Variants in TMTC2 observed in about 807,000 individuals in gnomAD.
TMTC2 encodes protein O-mannosyl-transferase TMTC2.
In TMTC2, 43 loss-of-function variants were observed where a neutral mutation model predicts 82.4. The observed-to-expected ratio is 0.52, with a 90% CI of 0.41 to 0.67. TMTC2 has a LOEUF of 0.67. Ranked by LOEUF, TMTC2 falls within the 30% of genes least tolerant of loss-of-function variation. TMTC2 has a pLI of 0.00. For synonymous variants in TMTC2, 408 were observed against 381.9 expected (o/e 1.07, Z -0.80); for missense variants, 919 against 1,012.4 (o/e 0.91, Z 1.25).
chr12:82,970,138 A>G (rs1047414242), intron 7 of TMTC2, among the ~76,000 whole-genome samples: 20 of 152,212 alleles, frequency 1.3e-4, no homozygotes, highest in Admixed American at 1.3e-4. Flanking sequence ...TATGGCTTTG[A>G]TACTTTCTCC....
intron 2 of TMTC2, among the ~76,000 whole-genome samples, chr12:82,882,491 A>G (rs1160858254): frequency 6.6e-6 from 1 of 152,120 alleles, no homozygotes; most frequent in East Asian, 1.9e-4. Context: ...AAAATTTATA[A>G]TGGCCTTTCG....
At chr12:83,092,826 G>A (rs1883887477) in intron 11 of TMTC2, among the ~76,000 whole-genome samples, 1 of 152,162 alleles carries the variant, frequency 6.6e-6, no homozygotes, top group African/African-American at 2.4e-5. Context: ...ATTATTGGGT[G>A]TCCTTTGTCT....
At chr12:83,101,423 T>C (rs1012503994) in intron 11 of TMTC2, among the ~76,000 whole-genome samples, 10 of 152,150 alleles carry the variant, frequency 6.6e-5, no homozygotes, top group African/African-American at 1.2e-4. Flanking sequence ...TTGGTGCAAA[T>C]AGGTTTTCAG....
At chr12:83,126,797 A>T (rs1885110216) in intron 11 of TMTC2, among the ~76,000 whole-genome samples, 1 of 152,012 alleles carries the variant, frequency 6.6e-6, no homozygotes, top group South Asian at 2.1e-4. Context: ...GGTATTTAAC[A>T]TTCTTTTTTT....
intron 1 of TMTC2, among the ~76,000 whole-genome samples, chr12:82,772,595 C>A (rs1240036300): frequency 6.6e-6 from 1 of 152,146 alleles, no homozygotes; most frequent in Non-Finnish European, 1.5e-5. Flanking sequence ...TAGTAGTCTG[C>A]ATCACAGCAG....
chr12:82,862,163 C>T lies in TMTC2; in HGVS notation c.654+4583C>T, dbSNP rs1612401. On this transcript the variant is annotated intron_variant, in intron 2 of 11. Coordinates refer to ENST00000321196, the MANE Select transcript of TMTC2 (RefSeq NM_152588.3). ...TGGTCAAAAAATAAGGGGGGAAAAGCCCTTGAAATACACTTAGCCTTGCAA... is the reference window on the plus strand; with the variant it reads ...TGGTCAAAAAATAAGGGGGGAAAAGTCCTTGAAATACACTTAGCCTTGCAA... Among the ~76,000 whole-genome samples the T allele has an allele frequency of 8.7e-3, 1,327 of 152,230 alleles. 14 individuals carry two copies. The highest frequency in any genetic ancestry group is 0.03 in the African/African-American group (1,263 of 41,510).
chr12:83,023,880 G>T (rs1163547849), intron 8 of TMTC2, among the ~76,000 whole-genome samples: 1 of 152,154 alleles, frequency 6.6e-6, no homozygotes, highest in Admixed American at 6.6e-5. Context: ...GGAAGAGAGG[G>T]CACAGAAGAC....
chr12:82,945,208 A>T (rs978816383), intron 4 of TMTC2, among the ~76,000 whole-genome samples: 1 of 152,220 alleles, frequency 6.6e-6, no homozygotes, highest in African/African-American at 2.4e-5. Context: ...CAAAAGAAAG[A>T]TTCACTCATT....
At chr12:82,856,361 A>G (rs1196788703) in intron 1 of TMTC2, among the ~76,000 whole-genome samples, 1 of 152,208 alleles carries the variant, frequency 6.6e-6, no homozygotes, top group Non-Finnish European at 1.5e-5. Context: ...AACACTGGAT[A>G]GGTGGAGAGC....
intron 8 of TMTC2, among the ~76,000 whole-genome samples, chr12:83,000,468 C>T (rs1401524379): frequency 2.0e-5 from 3 of 152,172 alleles, no homozygotes; most frequent in African/African-American, 7.2e-5. Context: ...ATAATGATCT[C>T]CTTTGAATCT....
chr12:82,870,655 C>T (rs1384898916), intron 2 of TMTC2, among the ~76,000 whole-genome samples: 3 of 152,240 alleles, frequency 2.0e-5, no homozygotes, highest in East Asian at 3.9e-4. Context: ...TCCAGAAATG[C>T]GGTGGGATTT....
At chr12:83,108,370 C>A (rs1884488263) in intron 11 of TMTC2, among the ~76,000 whole-genome samples, 1 of 152,092 alleles carries the variant, frequency 6.6e-6, no homozygotes, top group African/African-American at 2.4e-5. Flanking sequence ...GGAAAATTGA[C>A]ATTATAAAAC....
intron 1 of TMTC2, among the ~76,000 whole-genome samples, chr12:82,694,075 G>A (rs2136887494): frequency 6.6e-6 from 1 of 151,410 alleles, no homozygotes. Flanking sequence ...TTTAATACAG[G>A]TAAATGGGAA....
chr12:83,091,342 G>A (rs1351961006), intron 11 of TMTC2, among the ~76,000 whole-genome samples: 1 of 152,040 alleles, frequency 6.6e-6, no homozygotes, highest in African/African-American at 2.4e-5. Flanking sequence ...CCAAACTACT[G>A]TTATAACAGT....
intron 11 of TMTC2, among the ~76,000 whole-genome samples, chr12:83,099,963 T>A (rs946851956): frequency 6.6e-6 from 1 of 151,846 alleles, no homozygotes; most frequent in Non-Finnish European, 1.5e-5. Flanking sequence ...TCACCCAGGC[T>A]GGATGTAGTA....
intron 2 of TMTC2, among the ~76,000 whole-genome samples, chr12:82,888,433 T>C (rs1873215136): frequency 6.6e-6 from 1 of 152,168 alleles, no homozygotes; most frequent in Non-Finnish European, 1.5e-5. Flanking sequence ...AAATGGTGAC[T>C]TGGAGTTGTG....
chr12:82,875,983 T>C (rs1287675515), intron 2 of TMTC2, among the ~76,000 whole-genome samples: 1 of 137,134 alleles, frequency 7.3e-6, no homozygotes, highest in East Asian at 2.2e-4. Flanking sequence ...CCAGAGTTGT[T>C]GTTGGTGGTG....
At chr12:82,818,226 C>G (rs1226134215) in intron 1 of TMTC2, among the ~76,000 whole-genome samples, 3 of 152,032 alleles carry the variant, frequency 2.0e-5, no homozygotes, top group Non-Finnish European at 4.4e-5. Context: ...TATATTTTAT[C>G]TATGGAAAAG....
intron 4 of TMTC2, among the ~76,000 whole-genome samples, chr12:82,934,109 A>G (rs1876187858): frequency 6.6e-6 from 1 of 152,204 alleles, no homozygotes; most frequent in Non-Finnish European, 1.5e-5. Context: ...GAAATCTATA[A>G]CACAAGGAAG....
Sources: gnomAD v4.1 joint callset for allele counts (sites outside exome capture counted in the v4.1 genomes callset) on GRCh38, gnomAD v4.1.1 for gene constraint, MANE v1.5 for transcripts, NCBI Gene and HGNC (gene_info 2026-07-23, HGNC 2026-07-21) for gene names.